SLC16A5: variants seen among roughly 807,000 people sequenced by gnomAD.
SLC16A5 encodes the protein solute carrier family 16 member 5, also known as monocarboxylate transporter 6.
A neutral mutation model predicts 33.2 loss-of-function variants in SLC16A5; 29 were observed. The observed-to-expected ratio is 0.87, with a 90% CI of 0.65 to 1.19. The LOEUF is 1.19. Ranked by LOEUF, SLC16A5 falls within the 50% of genes most tolerant of loss-of-function variation. The pLI is 0.00. For synonymous variants in SLC16A5, 248 were observed against 284.1 expected, an observed-to-expected ratio of 0.87 and a Z score of 1.28; for missense variants, 606 against 678.2, an observed-to-expected ratio of 0.89 and a Z score of 1.18.
chr17:75,109,874 G>C (rs1302617287), downstream of SLC16A5: 1 of 203,350 alleles, frequency 4.9e-6, no homozygotes, highest in South Asian at 7.9e-5. This position sits in a 1 kb window ranked among gnomAD's most constrained non-coding sequence, Gnocchi z 5.0. Flanking sequence ...TCGGCATCCA[G>C]AAAACCAGAA....
intron 5 of SLC16A5, among the ~76,000 whole-genome samples, chr17:75,102,564 TG>T (rs1181450076): frequency 6.6e-6 from 1 of 151,364 alleles, no homozygotes; most frequent in Admixed American, 6.6e-5. Context: ...CAGCTGAGAG[TG>T]TGAGATTCTG....
At chr17:75,109,200 C>T (rs1414923500), downstream of SLC16A5, among the ~76,000 whole-genome samples, 1 of 152,164 alleles carries the variant, frequency 6.6e-6, no homozygotes, top group East Asian at 1.9e-4. The surrounding 1 kb of genome is among the most constrained non-coding windows in gnomAD (Gnocchi z 5.0). Context: ...GCCCCGAAAG[C>T]GCCACAATCA....
chr17:75,090,650 G>C (rs185334911), intron 2 of SLC16A5, among the ~76,000 whole-genome samples: 1 of 151,602 alleles, frequency 6.6e-6, no homozygotes, highest in Non-Finnish European at 1.5e-5. Context: ...TAGTAGAGAC[G>C]GGGTTTCACT....
chr17:75,094,213 G>C (rs2073684694), intron 3 of SLC16A5, among the ~76,000 whole-genome samples: 1 of 152,228 alleles, frequency 6.6e-6, no homozygotes, highest in African/African-American at 2.4e-5. Context: ...TGCTTCCTCT[G>C]CAATCTGAGG....
intron 6 of SLC16A5, chr17:75,104,897 G>T: frequency 1.0e-6 from 1 of 985,454 alleles, no homozygotes. Flanking sequence ...CTGGCTGTGT[G>T]TTGCTGCTCC....
upstream of SLC16A5, among the ~76,000 whole-genome samples, chr17:75,087,545 G>A (rs1002056695): frequency 6.6e-6 from 1 of 152,164 alleles, no homozygotes; most frequent in East Asian, 1.9e-4. Context: ...ACCGGCAGGC[G>A]CAGCCCTCAA....
intron 2 of SLC16A5, among the ~76,000 whole-genome samples, chr17:75,092,775 CTG>C (rs2073657318): frequency 6.6e-6 from 1 of 150,584 alleles, no homozygotes; most frequent in Admixed American, 6.6e-5. Context: ...TGCGCTGTGA[CTG>C]TGTTTGTGTG....
downstream of SLC16A5, among the ~76,000 whole-genome samples, chr17:75,106,489 G>A (rs72631380): frequency 2.0e-5 from 3 of 151,568 alleles, no homozygotes; most frequent in South Asian, 2.1e-4. Flanking sequence ...ATGGCAGTGC[G>A]CACATGTAAT....
chr17:75,092,173 CTG>C (rs957872653), intron 2 of SLC16A5, among the ~76,000 whole-genome samples: 1 of 151,706 alleles, frequency 6.6e-6, no homozygotes, highest in African/African-American at 2.4e-5. Flanking sequence ...TTGTGTGTAA[CTG>C]TGTGTGTGTC....
At chr17:75,106,908 C>A (rs577830638), downstream of SLC16A5, among the ~76,000 whole-genome samples, 6 of 147,780 alleles carry the variant, frequency 4.1e-5, no homozygotes, top group Admixed American at 6.7e-5. Context: ...AACAAACAAA[C>A]AAAAAAAACA....
intron 4 of SLC16A5, 68 bp downstream of exon 4, chr17:75,098,249 G>A (rs2073746420): frequency 4.4e-6 from 7 of 1,589,402 alleles, no homozygotes; most frequent in South Asian, 2.3e-5. Flanking sequence ...AGTGGACAGG[G>A]CAGGCAGGCC....
In SLC16A5 at chr17:75,100,032, G is replaced by C; in HGVS notation, c.369G>C (p.Gln123His). 1 of 1,612,148 alleles carries C rather than the reference G, an allele frequency of 6.2e-7. No individual in the cohort carries two copies. Among genetic ancestry groups the C allele is most frequent in the Non-Finnish European group, 8.5e-7 (1 of 1,179,826 alleles). The change falls in exon 5 of 7, where the codon CAG (glutamine) becomes CAC (histidine). Residue 123 changes from glutamine (Q) to histidine (H), a missense_variant. Gln to His is a conservative substitution (Grantham distance 24). Coordinates refer to ENST00000329783, the MANE Select transcript of SLC16A5 (RefSeq NM_004695.4). ...ITGLGMCFSF[Q>H]SSITVLGFYF... is the part of the protein sequence containing the mutation. The stretch of plus-strand genomic sequence containing the variant: ...GCCTGGGCATGTGCTTCAGCTTCCA[G>C]TCAAGCATCACGGTGCTGGGCTTCT...
intron 2 of SLC16A5, among the ~76,000 whole-genome samples, chr17:75,092,327 TC>T (rs2073650076): frequency 6.6e-6 from 1 of 151,900 alleles, no homozygotes; most frequent in Admixed American, 6.6e-5. Flanking sequence ...TCTCTTCGTG[TC>T]TCTGGACTTT....
intron 2 of SLC16A5, among the ~76,000 whole-genome samples, chr17:75,091,126 A>G (rs2073632126): frequency 6.6e-6 from 1 of 152,146 alleles, no homozygotes; most frequent in Non-Finnish European, 1.5e-5. Context: ...GTGGCAGGGA[A>G]CAGGCAAAGG....
At chr17:75,104,342 A>C in intron 6 of SLC16A5, 162 bp downstream of exon 6, 1 of 1,438,474 alleles carries the variant, frequency 7.0e-7, no homozygotes, top group Non-Finnish European at 9.1e-7. Context: ...CGGGCTGTCC[A>C]GGCTCTGCAA....
rs766274425 is a variant in SLC16A5, at chr17:75,104,067, C to A, written c.1251C>A (p.Tyr417Ter). The change falls in exon 6 of 7, where the codon TAC becomes TAA. Residue 417 changes from tyrosine to a stop codon, truncating the protein, a stop_gained. Transcript: ENST00000329783. LOFTEE classifies it high-confidence loss of function. ...SAALFMGGSF[Y>*]ALQKKEQGKQ... is the part of the protein sequence containing the mutation. ...CCCTCTTCATGGGTGGCAGCTTCTA[C>A]GCCCTGCAGAAGAAGGAGCAAGGCA... is the stretch of plus-strand genomic sequence containing the variant. 5.6e-6 allele frequency: 9 copies of A among 1,614,102 alleles called. No homozygotes were observed. Among genetic ancestry groups the A allele is most frequent in the Non-Finnish European group, 6.8e-6 (8 of 1,180,060 alleles).
At chr17:75,097,454 T>C (rs1183996032) in intron 3 of SLC16A5, among the ~76,000 whole-genome samples, 1 of 145,260 alleles carries the variant, frequency 6.9e-6, no homozygotes, top group Non-Finnish European at 1.5e-5. Flanking sequence ...GGGGAGAACC[T>C]ACCCTGCCTG....
chr17:75,091,092 G>A (rs2073631585), intron 2 of SLC16A5, among the ~76,000 whole-genome samples: 2 of 152,152 alleles, frequency 1.3e-5, no homozygotes, highest in African/African-American at 4.8e-5. Flanking sequence ...CCAGGGCCTC[G>A]GGGCCTGGGA....
At chr17:75,098,604 A>G (rs2073750771) in intron 4 of SLC16A5, among the ~76,000 whole-genome samples, 1 of 152,154 alleles carries the variant, frequency 6.6e-6, no homozygotes, top group Admixed American at 6.6e-5. Flanking sequence ...TGAGCCCATC[A>G]TGCCCAGCCC....
Sources: gnomAD v4.1 joint callset for allele counts (sites outside exome capture counted in the v4.1 genomes callset) on GRCh38, gnomAD v4.1.1 for gene constraint, Gnocchi (gnomAD v3.1) non-coding constraint, MANE v1.5 for transcripts, NCBI Gene and HGNC (gene_info 2026-07-23, HGNC 2026-07-21) for gene names.